NOL4: variants seen among roughly 807,000 people sequenced by gnomAD.
NOL4 encodes cancer/testis antigen 125.
A neutral mutation model predicts 75.9 loss-of-function variants in NOL4; 17 were observed. That is an observed-to-expected ratio of 0.22 (90% confidence interval 0.15 to 0.34). The LOEUF (loss-of-function observed/expected upper bound fraction) is 0.34. NOL4 is among the 10% of genes least tolerant of loss of function. NOL4 has a pLI of 1.00. For synonymous variants in NOL4, 292 were observed against 289.9 expected (o/e 1.01, Z -0.07); for missense variants, 614 against 793.5 (o/e 0.77, Z 2.72).
chr18:34,166,466 A>G (rs547987615), intron 1 of NOL4, among the ~76,000 whole-genome samples: 1 of 152,262 alleles, frequency 6.6e-6, no homozygotes, highest in East Asian at 1.9e-4. Flanking sequence ...CAGAAAGTAG[A>G]TAATGTGAAA....
chr18:34,044,011 GC>G (rs2076253278), intron 5 of NOL4, among the ~76,000 whole-genome samples: 1 of 152,032 alleles, frequency 6.6e-6, no homozygotes, highest in Non-Finnish European at 1.5e-5. Flanking sequence ...AATTGTAACT[GC>G]TCATTCTTCT....
intron 9 of NOL4, among the ~76,000 whole-genome samples, chr18:33,885,682 G>A (rs1463572807): frequency 6.6e-6 from 1 of 152,130 alleles, no homozygotes; most frequent in East Asian, 1.9e-4. Context: ...CAATGCTGGT[G>A]AGGGTGTGGG....
chr18:33,905,798 G>C (rs1453827883), intron 9 of NOL4, among the ~76,000 whole-genome samples: 1 of 152,064 alleles, frequency 6.6e-6, no homozygotes, highest in Non-Finnish European at 1.5e-5. Context: ...AGTGATAGTG[G>C]GAACCCACAA....
At chr18:34,212,589 G>A (rs1313428529) in intron 1 of NOL4, among the ~76,000 whole-genome samples, 1 of 152,014 alleles carries the variant, frequency 6.6e-6, no homozygotes, top group Admixed American at 6.6e-5. Flanking sequence ...GTTTTAACTG[G>A]GTCCTCTGCT....
chr18:34,157,412 G>A (rs530189300), intron 1 of NOL4, among the ~76,000 whole-genome samples: 1 of 152,128 alleles, frequency 6.6e-6, no homozygotes, highest in Non-Finnish European at 1.5e-5. Context: ...ATCAAATTTT[G>A]GATAGGAAAA....
chr18:34,203,711 T>TCACA (rs1271040642), intron 1 of NOL4, among the ~76,000 whole-genome samples: 87 of 82,184 alleles, frequency 1.1e-3, no homozygotes, highest in African/African-American at 3.0e-3. Flanking sequence ...TCTCTCTCTC[T>TCACA]CTCTCTCACA....
chr18:34,165,589 A>C (rs1439333794), intron 1 of NOL4, among the ~76,000 whole-genome samples: 2 of 152,170 alleles, frequency 1.3e-5, no homozygotes, highest in African/African-American at 4.8e-5. Flanking sequence ...AATTACAGAG[A>C]GTAACAAATA....
intron 9 of NOL4, among the ~76,000 whole-genome samples, chr18:33,923,018 A>G (rs2067129197): frequency 6.6e-6 from 1 of 152,162 alleles, no homozygotes; most frequent in South Asian, 2.1e-4. Flanking sequence ...AAGCCATACT[A>G]TTCATACTGT....
intron 5 of NOL4, 133 bp downstream of exon 5, chr18:34,093,332 G>T: frequency 1.1e-6 from 1 of 882,356 alleles, no homozygotes; most frequent in Non-Finnish European, 1.7e-6. Flanking sequence ...TAAATACATA[G>T]AGAAAAGTTC....
intron 5 of NOL4, among the ~76,000 whole-genome samples, chr18:34,022,165 T>G (rs2075084455): frequency 6.6e-6 from 1 of 151,274 alleles, no homozygotes; most frequent in Non-Finnish European, 1.5e-5. Flanking sequence ...CACATTAGGT[T>G]TAAGTTTAAT....
At chr18:34,181,881 T>C (rs2034066573) in intron 1 of NOL4, among the ~76,000 whole-genome samples, 1 of 151,560 alleles carries the variant, frequency 6.6e-6, no homozygotes, top group Non-Finnish European at 1.5e-5. Flanking sequence ...AGGATGGCTG[T>C]GATGAAAAGA....
At chr18:33,939,870 C>T (rs2068346998) in intron 9 of NOL4, among the ~76,000 whole-genome samples, 1 of 151,998 alleles carries the variant, frequency 6.6e-6, no homozygotes, top group South Asian at 2.1e-4. Flanking sequence ...AGGAATGCTT[C>T]CAGTTTTTGC....
intron 2 of NOL4, among the ~76,000 whole-genome samples, chr18:34,105,974 A>G (rs963100513): frequency 6.6e-6 from 1 of 152,090 alleles, no homozygotes; most frequent in African/African-American, 2.4e-5. Flanking sequence ...AGATAGTTGA[A>G]TATCTTTAAA....
chr18:33,853,300 T>C (rs549039641), intron 10 of NOL4, among the ~76,000 whole-genome samples: 1 of 152,234 alleles, frequency 6.6e-6, no homozygotes, highest in Non-Finnish European at 1.5e-5. Context: ...GAAAACTTTC[T>C]TGGAACATGT....
At chr18:33,853,062 G>A (rs1439098990) in intron 10 of NOL4, 27 bp from the exon 11 acceptor site, 2 of 1,558,784 alleles carry the variant, frequency 1.3e-6, no homozygotes, top group Admixed American at 3.9e-5. Context: ...CACAAAATTA[G>A]ACATAAATAT....
chr18:34,062,732 G>A (rs2077116580), intron 5 of NOL4, among the ~76,000 whole-genome samples: 1 of 152,052 alleles, frequency 6.6e-6, no homozygotes, highest in South Asian at 2.1e-4. Context: ...GCAGGTAGAT[G>A]GAAAATATGT....
intron 2 of NOL4, among the ~76,000 whole-genome samples, chr18:34,110,231 C>T (rs574222840): frequency 1.3e-4 from 20 of 148,244 alleles, no homozygotes; most frequent in East Asian, 9.9e-4. Context: ...CAGACAAGGA[C>T]GCTACAAAAA....
At chr18:34,222,616 G>T (rs1238948049) in intron 1 of NOL4, 1 of 299,340 alleles carries the variant, frequency 3.3e-6, no homozygotes, top group Admixed American at 6.5e-5. Context: ...CTTTAGGCGC[G>T]GTGGCGGCGG....
chr18:33,937,192 G>C (rs1429126116), intron 9 of NOL4, among the ~76,000 whole-genome samples: 1 of 152,080 alleles, frequency 6.6e-6, no homozygotes, highest in Non-Finnish European at 1.5e-5. Flanking sequence ...TCTGATTCCT[G>C]ATGAAGGAGC....
Sources: allele counts gnomAD v4.1 joint callset (sites outside exome capture counted in the v4.1 genomes callset), GRCh38; gene constraint gnomAD v4.1.1; transcripts MANE v1.5; gene names NCBI Gene and HGNC (gene_info 2026-07-23, HGNC 2026-07-21).